The following ERC1 variants were observed in gnomAD, a reference collection of about 807,000 sequenced individuals.
ERC1 encodes RAB6 interacting protein 2.
In ERC1, 56 loss-of-function variants were observed where a neutral mutation model predicts 132.0. The observed-to-expected ratio is 0.42, with a 90% confidence interval of 0.34 to 0.53. The LOEUF is 0.53. Among genes scored for constraint, ERC1 ranks in the 20% least tolerant of loss-of-function variants. The probability of loss-of-function intolerance (pLI) is 0.03; values close to 1 mark genes in which losing one functional copy is unlikely to be tolerated. For missense variants in ERC1, 1,202 were observed against 1,349.9 expected (o/e 0.89, Z 1.72); for synonymous variants, 478 against 476.1 (o/e 1.00, Z -0.05).
intron 2 of ERC1, among the ~76,000 whole-genome samples, chr12:1,062,575 T>C (rs1938234366): frequency 6.6e-6 from 1 of 152,246 alleles, no homozygotes; most frequent in Admixed American, 6.5e-5. Context: ...GGGAAGATAC[T>C]TGATATGATT....
intron 7 of ERC1, chr12:1,116,277 C>A: frequency 2.8e-6 from 1 of 352,100 alleles, no homozygotes; most frequent in South Asian, 8.9e-5. Context: ...CAAGTCTGTA[C>A]TTCAAAGTAT....
Position 1,307,281 on chromosome 12 carries a change from T to G in ERC1, c.2780+17269T>G, listed in dbSNP as rs2080953503. Reference sequence around the variant, plus strand: ...AGTTCTTGGTGATTTGACCCTGGGTTGACTTGGCATGAATTTTCTTTCTTT... The same window carrying G: ...AGTTCTTGGTGATTTGACCCTGGGTGGACTTGGCATGAATTTTCTTTCTTT... On this transcript the variant is annotated intron_variant, in intron 15 of 18. Coordinates refer to ENST00000360905, the MANE Select transcript of ERC1 (RefSeq NM_178040.4). Among the ~76,000 whole-genome samples, 3 of 152,238 alleles carry G rather than the reference T, an allele frequency of 2.0e-5. No individual in the cohort carries two copies. In the South Asian group the frequency reaches 6.2e-4, roughly 31 times the overall value.
chr12:1,315,207 G>T (rs76828926), intron 15 of ERC1, among the ~76,000 whole-genome samples: 3,840 of 152,064 alleles, frequency 0.025, 75 homozygotes, highest in South Asian at 0.079. Flanking sequence ...AGTACAGGTG[G>T]GATTTCACCA....
intron 3 of ERC1, among the ~76,000 whole-genome samples, chr12:1,094,257 G>T (rs1943711577): frequency 6.6e-6 from 1 of 151,604 alleles, no homozygotes; most frequent in South Asian, 2.1e-4. Flanking sequence ...GACCTCAAGT[G>T]ATCCTCCCGG....
At chr12:1,405,165 A>AAATAAAT (rs1491388616) in intron 16 of ERC1, among the ~76,000 whole-genome samples, 2 of 145,394 alleles carry the variant, frequency 1.4e-5, no homozygotes, top group African/African-American at 5.1e-5. Flanking sequence ...ATAAATAAAT[A>AAATAAAT]AATAAATAAA....
intron 2 of ERC1, among the ~76,000 whole-genome samples, chr12:1,071,028 A>G (rs1940244601): frequency 6.6e-6 from 1 of 152,226 alleles, no homozygotes. Context: ...GCATGTATCC[A>G]TAGTTATCCT....
chr12:1,094,780 C>A lies in ERC1; in HGVS notation c.1087-9970C>A, dbSNP rs76072117. 4.1e-3 allele frequency among the ~76,000 whole-genome samples: 624 copies of A among 152,220 alleles called. 5 individuals carry two copies. The highest frequency in any genetic ancestry group is 0.014 in the African/African-American group (588 of 41,528). ...TTGACAAGGTGACATTTTCTGAGCA[C>A]ACTACTATTACCAGAGATGGTAATG... On this transcript the variant is annotated intron_variant, in intron 3 of 18. Coordinates refer to ENST00000360905, the MANE Select transcript of ERC1 (RefSeq NM_178040.4).
At chr12:1,221,313 G>T (rs2154295383) in intron 12 of ERC1, among the ~76,000 whole-genome samples, 1 of 152,214 alleles carries the variant, frequency 6.6e-6, no homozygotes, top group South Asian at 2.1e-4. Context: ...CCATAAAACA[G>T]TCCTCATCTC....
chr12:1,157,382 C>T (rs1464115155), intron 8 of ERC1, among the ~76,000 whole-genome samples: 1 of 152,180 alleles, frequency 6.6e-6, no homozygotes, highest in African/African-American at 2.4e-5. Flanking sequence ...TTCATACATG[C>T]TTTTCTCTGG....
chr12:1,143,880 T>G (rs575013155), intron 8 of ERC1, among the ~76,000 whole-genome samples: 34 of 152,258 alleles, frequency 2.2e-4, no homozygotes, highest in African/African-American at 8.2e-4. Flanking sequence ...AACTGCTTGT[T>G]TTTTTTGTGC....
intron 15 of ERC1, among the ~76,000 whole-genome samples, chr12:1,314,698 A>G (rs1295329338): frequency 6.6e-6 from 1 of 152,214 alleles, no homozygotes; most frequent in African/African-American, 2.4e-5. Flanking sequence ...ATTTACTGTC[A>G]AAGCTTTTTT....
At chr12:1,399,361 G>A (rs571305812) in intron 16 of ERC1, among the ~76,000 whole-genome samples, 8 of 152,150 alleles carry the variant, frequency 5.3e-5, no homozygotes, top group South Asian at 4.2e-4. Context: ...CAATTTACCC[G>A]TTTAAAATAT....
intron 7 of ERC1, among the ~76,000 whole-genome samples, chr12:1,123,117 T>C (rs2154222591): frequency 6.6e-6 from 1 of 152,180 alleles, no homozygotes; most frequent in East Asian, 1.9e-4. Context: ...GCTTAAGAAG[T>C]TACATTAAGT....
chr12:1,423,580 A>C (rs1025676547), intron 17 of ERC1, among the ~76,000 whole-genome samples: 10 of 152,202 alleles, frequency 6.6e-5, no homozygotes, highest in Admixed American at 5.2e-4. Context: ...GTAAGTATCA[A>C]CTGGGTCAGG....
chr12:1,208,971 T>A (rs1048845474), intron 12 of ERC1, among the ~76,000 whole-genome samples: 17 of 138,436 alleles, frequency 1.2e-4, no homozygotes, highest in Admixed American at 3.6e-4. Context: ...TTTTTTTTTT[T>A]TTTTTTTTTT....
chr12:1,023,738 G>A (rs1311167429), intron 1 of ERC1, among the ~76,000 whole-genome samples: 3 of 152,154 alleles, frequency 2.0e-5, no homozygotes, highest in Admixed American at 1.3e-4. Flanking sequence ...AGAAGGAGGA[G>A]GGTTAGAAGA....
At chr12:1,426,720 A>C (rs2092653365) in intron 17 of ERC1, among the ~76,000 whole-genome samples, 1 of 152,152 alleles carries the variant, frequency 6.6e-6, no homozygotes, top group African/African-American at 2.4e-5. Context: ...TGTCAACATT[A>C]TCATATCACT....
chr12:1,341,075 T>C (rs137859535), intron 15 of ERC1, among the ~76,000 whole-genome samples: 7,056 of 24,418 alleles, frequency 0.29, 339 homozygotes, highest in South Asian at 0.34. Flanking sequence ...TTTTCTTTTT[T>C]TTTTTTTTTT....
chr12:1,295,993 T>C (rs555942611), intron 15 of ERC1, among the ~76,000 whole-genome samples: 1 of 139,154 alleles, frequency 7.2e-6, no homozygotes, highest in East Asian at 2.0e-4. Flanking sequence ...CTCTGAGGAG[T>C]CCTATTTGGT....
Sources: allele counts gnomAD v4.1 joint callset (sites outside exome capture counted in the v4.1 genomes callset), GRCh38; gene constraint gnomAD v4.1.1; transcripts MANE v1.5; gene names NCBI Gene and HGNC (gene_info 2026-07-23, HGNC 2026-07-21).